The following GABRP variants were observed in gnomAD, a reference collection of about 807,000 sequenced individuals.
GABRP encodes the protein gamma-aminobutyric acid receptor subunit pi.
A neutral mutation model predicts 47.8 loss-of-function variants in GABRP; 52 were observed. The observed-to-expected ratio is 1.09, with a 90% confidence interval of 0.87 to 1.37. GABRP has a LOEUF of 1.37. GABRP is among the 40% of genes most tolerant of loss of function. GABRP has a pLI of 0.00. For missense variants in GABRP, 525 were observed against 542.8 expected (o/e 0.97, Z 0.33); for synonymous variants, 221 against 205.8 (o/e 1.07, Z -0.63).
chr5:170,797,434 A>G, intron 5 of GABRP, 32 bp from the exon 6 acceptor site: 2 of 1,377,228 alleles, frequency 1.5e-6, no homozygotes, highest in South Asian at 1.2e-5. Context: ...CTTCCTCACA[A>G]TACTGTTTTT....
intron 9 of GABRP, among the ~76,000 whole-genome samples, chr5:170,810,368 C>T (rs3792809): frequency 0.21 from 31,396 of 152,048 alleles, 3,457 homozygotes; most frequent in East Asian, 0.27. Context: ...ATTTTAAATG[C>T]TCATAACAAC....
intron 3 of GABRP, among the ~76,000 whole-genome samples, chr5:170,790,040 T>C (rs1358603301): frequency 6.6e-6 from 1 of 152,188 alleles, no homozygotes; most frequent in East Asian, 1.9e-4. Context: ...ATAACTGATT[T>C]CATGTCTGTC....
intron 6 of GABRP, among the ~76,000 whole-genome samples, chr5:170,803,776 G>GGTTGGTTGGTTGGTTA (rs1554120274): frequency 1.1e-4 from 16 of 151,902 alleles, no homozygotes; most frequent in Middle Eastern, 6.9e-3. Context: ...TTGGTTGGTT[G>GGTTGGTTGGTTGGTTA]GTTGGTTGGT....
At chr5:170,793,539 T>A (rs1765336094) in intron 3 of GABRP, among the ~76,000 whole-genome samples, 1 of 152,178 alleles carries the variant, frequency 6.6e-6, no homozygotes, top group Non-Finnish European at 1.5e-5. Context: ...AAGCAAAGTA[T>A]CAGGAGGTCA....
rs1581612178 is a variant in GABRP, at chr5:170,812,967, G to A, written c.*709G>A. Reference sequence around the variant, plus strand: ...ATTCCCCATACTGGAAGGACTCTGAGGCTTTATTCCCCCACTATGCATATC... The same window carrying A: ...ATTCCCCATACTGGAAGGACTCTGAAGCTTTATTCCCCCACTATGCATATC... On this transcript the variant is annotated 3_prime_UTR_variant, in exon 10 of 10. Transcript: ENST00000265294. 6.6e-6 allele frequency: 1 copy of A among 152,152 alleles called. No homozygotes were observed. 9.4% of individuals were successfully genotyped at this position (152,152 alleles called of 1,614,324 possible). A position where few individuals can be genotyped will look rare whatever the true frequency, so the allele number is the denominator to read the frequency against.
intron 8 of GABRP, among the ~76,000 whole-genome samples, chr5:170,809,143 C>T (rs974558252): frequency 6.6e-6 from 1 of 152,058 alleles, no homozygotes; most frequent in Non-Finnish European, 1.5e-5. Flanking sequence ...CACCACGTTG[C>T]CCAGGCTGGT....
intron 9 of GABRP, among the ~76,000 whole-genome samples, chr5:170,811,080 C>T (rs1389422239): frequency 6.6e-6 from 1 of 151,148 alleles, no homozygotes; most frequent in African/African-American, 2.4e-5. Flanking sequence ...GTGTCCTAAA[C>T]ATCCGTCAAC....
intron 1 of GABRP, 175 bp from the exon 2 acceptor site, chr5:170,788,399 T>A: frequency 2.3e-6 from 1 of 429,230 alleles, no homozygotes; most frequent in Non-Finnish European, 4.1e-6. Flanking sequence ...CAAAATGAAG[T>A]CATTCCTGGA....
chr5:170,789,001 G>A (rs1393880589), intron 2 of GABRP, 128 bp from the exon 3 acceptor site: 1 of 727,974 alleles, frequency 1.4e-6, no homozygotes, highest in Non-Finnish European at 2.4e-6. Context: ...CTGTAGGAAT[G>A]TCACTGCTGG....
At chr5:170,805,966 C>G (rs1268267531) in intron 7 of GABRP, 113 bp downstream of exon 7, 2 of 1,201,520 alleles carry the variant, frequency 1.7e-6, no homozygotes, top group East Asian at 2.5e-5. Context: ...TGCAGTGGAG[C>G]GGGACAGTAG....
chr5:170,800,262 A>G (rs1166353112), intron 6 of GABRP, among the ~76,000 whole-genome samples: 1 of 152,208 alleles, frequency 6.6e-6, no homozygotes, highest in African/African-American at 2.4e-5. Flanking sequence ...TACTTAACAA[A>G]TGGTGCTGGG....
intron 2 of GABRP, 82 bp downstream of exon 2, chr5:170,788,750 A>G: frequency 1.5e-6 from 2 of 1,352,126 alleles, no homozygotes; most frequent in South Asian, 1.2e-5. Context: ...AGCTCCTCCT[A>G]TTCACCCACA....
intron 6 of GABRP, among the ~76,000 whole-genome samples, chr5:170,801,827 C>T (rs1033375291): frequency 1.1e-4 from 16 of 148,190 alleles, no homozygotes; most frequent in African/African-American, 4.1e-4. Context: ...ATAATTATAA[C>T]AGAATGAGTT....
intron 5 of GABRP, among the ~76,000 whole-genome samples, chr5:170,795,676 A>G (rs1460391259): frequency 1.3e-5 from 2 of 152,206 alleles, no homozygotes; most frequent in African/African-American, 4.8e-5. Flanking sequence ...AGACACGGAC[A>G]TGGAAACAAA....
intron 1 of GABRP, among the ~76,000 whole-genome samples, chr5:170,787,073 C>T (rs973912804): frequency 6.6e-6 from 1 of 152,126 alleles, no homozygotes; most frequent in African/African-American, 2.4e-5. Context: ...ATAAAACCTT[C>T]TTTACTGTCA....
chr5:170,802,708 T>C (rs1396337677), intron 6 of GABRP, among the ~76,000 whole-genome samples: 1 of 149,948 alleles, frequency 6.7e-6, no homozygotes, highest in African/African-American at 2.5e-5. Context: ...GTTTTCTCTG[T>C]TCAGCCTCTG....
intron 6 of GABRP, among the ~76,000 whole-genome samples, chr5:170,801,127 C>A (rs1469228411): frequency 6.6e-6 from 1 of 152,088 alleles, no homozygotes; most frequent in Admixed American, 6.5e-5. Context: ...TAGGATTTGG[C>A]AATTTTCCCA....
At chr5:170,796,205 C>A (rs775357272) in intron 5 of GABRP, among the ~76,000 whole-genome samples, 9 of 152,136 alleles carry the variant, frequency 5.9e-5, no homozygotes. Context: ...TTGAGCTAAC[C>A]GATAAACTGA....
At position 170,795,223 on chromosome 5, in the gene GABRP, A is replaced by G. The variant is rs765321329; in HGVS notation, c.256A>G (p.Ile86Val). 4 of 1,613,158 alleles carry G rather than the reference A, an allele frequency of 2.5e-6. No homozygotes were observed. Among genetic ancestry groups the G allele is most frequent in the South Asian group, 1.1e-5 (1 of 91,014 alleles). ...SESNMDYTAT[I>V]YLRQRWMDQR... ...CCCCTCCCAGGACTACACAGCCACC[A>G]TATACCTCCGACAGCGCTGGATGGA... is the stretch of plus-strand genomic sequence containing the variant. The change falls in exon 5 of 10, where the codon ATA (isoleucine) becomes GTA (valine). Residue 86 changes from isoleucine (I) to valine (V), a missense_variant. Physicochemically the swap from Ile to Val is conservative, Grantham distance 29. Transcript: ENST00000265294.
Sources: gnomAD v4.1 joint callset for allele counts (sites outside exome capture counted in the v4.1 genomes callset) on GRCh38, gnomAD v4.1.1 for gene constraint, MANE v1.5 for transcripts, NCBI Gene and HGNC (gene_info 2026-07-23, HGNC 2026-07-21) for gene names.